The following FSTL4 variants were observed in gnomAD, a reference collection of about 807,000 sequenced individuals.
FSTL4 encodes follistatin like 4, also known as follistatin-related protein 4.
In FSTL4, 28 loss-of-function variants were observed where a neutral mutation model predicts 78.2. That is an observed-to-expected ratio of 0.36 (90% CI 0.27 to 0.49). The LOEUF (loss-of-function observed/expected upper bound fraction) is 0.49. Among genes scored for constraint, FSTL4 ranks in the 20% least tolerant of loss-of-function variants. The pLI is 0.98. For synonymous variants in FSTL4, 422 were observed against 440.5 expected, an observed-to-expected ratio of 0.96 and a Z score of 0.53; for missense variants, 922 against 1,084.9, an observed-to-expected ratio of 0.85 and a Z score of 2.11.
intron 6 of FSTL4, among the ~76,000 whole-genome samples, chr5:133,302,514 C>G (rs774856543): frequency 6.6e-6 from 1 of 152,192 alleles, no homozygotes; most frequent in Non-Finnish European, 1.5e-5. Context: ...ATCCAGGGAG[C>G]CTCTGGGAGG....
In FSTL4 at chr5:133,517,441, A is replaced by ATATATAT. The variant is rs1241999793; in HGVS notation, c.160+49744_160+49745insATATATA. Among the ~76,000 whole-genome samples, 17 of 30,114 alleles carry ATATATAT rather than the reference A, an allele frequency of 5.6e-4. 1 individual carries two copies. The highest frequency in any genetic ancestry group is 2.4e-3 in the African/African-American group (15 of 6,296). The allele number at this position is 30,114 out of a possible 152,430, so 19.8% of individuals were successfully genotyped here. On this transcript the variant is annotated intron_variant, in intron 3 of 15. Transcript: ENST00000265342. ...CCATCTCAAAAAAAAAAAAAAAAAA[A>ATATATAT]AAAAAAATATATATATATATATGCA...
chr5:133,785,027 C>T, the FSTL4 span, among the ~76,000 whole-genome samples: 1 of 152,124 alleles, frequency 6.6e-6, no homozygotes. Flanking sequence ...GGATGACAAC[C>T]CAGCCCACAG....
chr5:133,251,058 T>A (rs1326162213), intron 6 of FSTL4, among the ~76,000 whole-genome samples: 1 of 152,118 alleles, frequency 6.6e-6, no homozygotes, highest in Admixed American at 6.5e-5. Flanking sequence ...TTACCAACAA[T>A]AAAGTGATGC....
the FSTL4 span, among the ~76,000 whole-genome samples, chr5:133,670,688 T>C: frequency 6.6e-6 from 1 of 152,248 alleles, no homozygotes; most frequent in Non-Finnish European, 1.5e-5. Context: ...TCTCATTCAC[T>C]GGGTCTCCAG....
chr5:133,737,581 T>A, the FSTL4 span, among the ~76,000 whole-genome samples: 1 of 150,826 alleles, frequency 6.6e-6, no homozygotes, highest in African/African-American at 2.4e-5. Context: ...AGTGCACACA[T>A]CTCTTTGATA....
At chr5:133,447,526 G>T (rs1204511425) in intron 3 of FSTL4, among the ~76,000 whole-genome samples, 1 of 152,048 alleles carries the variant, frequency 6.6e-6, no homozygotes, top group African/African-American at 2.4e-5. Flanking sequence ...ATGTATGTGG[G>T]ATTATAATTT....
chr5:133,300,895 G>A lies in FSTL4; in HGVS notation c.727+11759C>T, dbSNP rs183712741. ...TTCTGAATAACAGCTCTGCTGCTCG[G>A]GCCCCGCTTTCTCTGTGGAGCCGGA... is the stretch of plus-strand genomic sequence containing the variant. On this transcript the variant is annotated intron_variant, in intron 6 of 15. Transcript: ENST00000265342. Among the ~76,000 whole-genome samples, 58 of 152,188 alleles carry A rather than the reference G, an allele frequency of 3.8e-4. 1 individual carries two copies. The highest frequency in any genetic ancestry group is 7.8e-4 in the Admixed American group (12 of 15,294).
At chr5:133,771,008 A>T in the FSTL4 span, among the ~76,000 whole-genome samples, 1 of 151,876 alleles carries the variant, frequency 6.6e-6, no homozygotes, top group Non-Finnish European at 1.5e-5. Context: ...ATTTTTGTCA[A>T]CTTTGTTGAA....
intron 3 of FSTL4, among the ~76,000 whole-genome samples, chr5:133,460,094 C>T (rs1177731297): frequency 6.6e-6 from 1 of 152,226 alleles, no homozygotes; most frequent in Non-Finnish European, 1.5e-5. Flanking sequence ...CAATGGAATC[C>T]TCTAGAGGGT....
At chr5:133,313,632 G>T (rs1478588392) in intron 5 of FSTL4, among the ~76,000 whole-genome samples, 1 of 152,060 alleles carries the variant, frequency 6.6e-6, no homozygotes, top group African/African-American at 2.4e-5. Flanking sequence ...TTATTTTGGT[G>T]TGGGGGGAGG....
At chr5:133,701,769 G>T in the FSTL4 span, among the ~76,000 whole-genome samples, 1 of 152,144 alleles carries the variant, frequency 6.6e-6, no homozygotes, top group African/African-American at 2.4e-5. Flanking sequence ...AGTAGAACAC[G>T]TTTGCGTGTT....
At chr5:133,707,433 C>G in the FSTL4 span, among the ~76,000 whole-genome samples, 4 of 152,154 alleles carry the variant, frequency 2.6e-5, no homozygotes, top group Admixed American at 2.6e-4. Context: ...TCTTCTGGGA[C>G]CTAAATGCAA....
the FSTL4 span, among the ~76,000 whole-genome samples, chr5:133,764,065 CAG>C: frequency 6.6e-6 from 1 of 152,236 alleles, no homozygotes; most frequent in South Asian, 2.1e-4. Flanking sequence ...GGTAACTGTT[CAG>C]AGAGTGAGCT....
At chr5:133,485,984 C>T (rs956674870) in intron 3 of FSTL4, among the ~76,000 whole-genome samples, 2 of 152,172 alleles carry the variant, frequency 1.3e-5, no homozygotes, top group East Asian at 3.8e-4. Flanking sequence ...GGTAAATGGG[C>T]ATATTCCCAA....
At chr5:133,827,096 A>G in the FSTL4 span, among the ~76,000 whole-genome samples, 1 of 151,938 alleles carries the variant, frequency 6.6e-6, no homozygotes, top group Non-Finnish European at 1.5e-5. Context: ...TGCTTTCCCC[A>G]CTCCAGGGAA....
intron 13 of FSTL4, among the ~76,000 whole-genome samples, chr5:133,212,785 A>T (rs951949248): frequency 2.0e-5 from 3 of 152,196 alleles, no homozygotes; most frequent in Non-Finnish European, 4.4e-5. Context: ...ATTCTTTGTA[A>T]ATCCCAAATC....
At chr5:133,797,310 T>TAAA in the FSTL4 span, among the ~76,000 whole-genome samples, 2,847 of 152,306 alleles carry the variant, frequency 0.019, 95 homozygotes, top group African/African-American at 0.064. Flanking sequence ...AACTTGTAGT[T>TAAA]GGTTAAAGGA....
At chr5:133,386,700 G>A (rs1410341593) in intron 4 of FSTL4, among the ~76,000 whole-genome samples, 2 of 152,204 alleles carry the variant, frequency 1.3e-5, no homozygotes, top group East Asian at 3.8e-4. Context: ...AGGGGGCAGA[G>A]GTGGGGACAC....
intron 4 of FSTL4, among the ~76,000 whole-genome samples, chr5:133,371,420 C>T (rs992881631): frequency 6.6e-6 from 1 of 152,168 alleles, no homozygotes; most frequent in Non-Finnish European, 1.5e-5. Context: ...CCTAAAACTC[C>T]CAGGATGGGA....
Sources: gnomAD v4.1 joint callset for allele counts (sites outside exome capture counted in the v4.1 genomes callset) on GRCh38, gnomAD v4.1.1 for gene constraint, MANE v1.5 for transcripts, NCBI Gene and HGNC (gene_info 2026-07-23, HGNC 2026-07-21) for gene names.